Variants in YES1 observed in about 807,000 individuals in gnomAD.
The protein encoded by YES1 is YES proto-oncogene 1, Src family tyrosine kinase, also known as tyrosine-protein kinase Yes.
YES1 carries 39 observed loss-of-function variants against 70.4 expected under a neutral mutation model. That is an observed-to-expected ratio of 0.55 (90% CI 0.43 to 0.72). The LOEUF (loss-of-function observed/expected upper bound fraction) is 0.72. Among genes scored for constraint, YES1 ranks in the 30% least tolerant of loss-of-function variants. The pLI, the probability that YES1 is intolerant of heterozygous loss-of-function variation, is 0.00. For missense variants in YES1, 495 were observed against 644.8 expected, an observed-to-expected ratio of 0.77 and a Z score of 2.52; for synonymous variants, 198 against 218.6, an observed-to-expected ratio of 0.91 and a Z score of 0.83.
intron 1 of YES1, among the ~76,000 whole-genome samples, chr18:793,790 A>T (rs1327184335): frequency 2.6e-5 from 4 of 152,236 alleles, no homozygotes; most frequent in African/African-American, 9.6e-5. Context: ...AATGATAGGG[A>T]TCTATCAAAA....
At chr18:762,493 A>C (rs1412054074) in intron 1 of YES1, among the ~76,000 whole-genome samples, 6 of 152,144 alleles carry the variant, frequency 3.9e-5, no homozygotes, top group Non-Finnish European at 8.8e-5. Context: ...CTAAAATAAA[A>C]GATGGAAAGA....
intron 1 of YES1, among the ~76,000 whole-genome samples, chr18:758,840 T>C (rs940152391): frequency 2.6e-5 from 4 of 152,234 alleles, no homozygotes; most frequent in African/African-American, 9.6e-5. Context: ...GTATTATCTA[T>C]CATATAGGTT....
upstream of YES1, chr18:812,243 G>T (rs1196295890): frequency 6.6e-6 from 1 of 151,866 alleles, no homozygotes; most frequent in African/African-American, 2.4e-5. Context: ...CAGCAACGAC[G>T]GCAGAGCCGG....
chr18:779,403 CAAA>C (rs35003724), intron 1 of YES1, among the ~76,000 whole-genome samples: 15 of 63,024 alleles, frequency 2.4e-4, no homozygotes, highest in Admixed American at 5.5e-4. Context: ...GACCCTGTCT[CAAA>C]AAAAAAAAAA....
At position 739,773 on chromosome 18, in the gene YES1, A is replaced by G. The variant is rs763879192; in HGVS notation, c.1099T>C (p.Tyr367His). 1.2e-5 allele frequency: 20 copies of G among 1,612,774 alleles called. No homozygotes were observed. In the East Asian group the frequency reaches 4.2e-4, roughly 34 times the overall value. Residue 367 changes from tyrosine to histidine, a missense_variant, in exon 9 of 12, where the codon TAT (tyrosine) becomes CAT (histidine). Physicochemically the swap from Tyr to His is moderately conservative, Grantham distance 83. Transcript: ENST00000314574. ...TCAACCAGCTGTGGAAGCTTCAAAT[A>G]CTTTCCATCTCCTTCCTTAAGGAAA... ...LDFLKEGDGK[Y>H]LKLPQLVDMA...
At chr18:791,912 G>C (rs562848420) in intron 1 of YES1, among the ~76,000 whole-genome samples, 161 of 152,048 alleles carry the variant, frequency 1.1e-3, no homozygotes, top group Non-Finnish European at 2.2e-3. Flanking sequence ...AAAATCAGCT[G>C]GGGGTGTTGG....
intron 1 of YES1, chr18:788,098 T>C (rs1365933346): frequency 6.6e-6 from 1 of 152,178 alleles, no homozygotes; most frequent in African/African-American, 2.4e-5. Context: ...ACATGTTTAA[T>C]CTCCCAACTA....
chr18:770,731 C>G (rs184809768), intron 1 of YES1, among the ~76,000 whole-genome samples: 6 of 152,196 alleles, frequency 3.9e-5, no homozygotes, highest in Non-Finnish European at 5.9e-5. Context: ...CAGTCCTGCA[C>G]TGCTGTTGTC....
chr18:743,305 G>C lies in YES1; in HGVS notation c.835C>G (p.Leu279Val). Reference protein sequence around the residue: ...AWEIPRESLRLEVKLGQGCFG... With the variant: ...AWEIPRESLRVEVKLGQGCFG... Reference sequence around the variant, plus strand: ...CATCCTTGTCCTAGTTTAACCTCTAGTCGCAAAGATTCTCGAGGGATTTCC... The same window carrying C: ...CATCCTTGTCCTAGTTTAACCTCTACTCGCAAAGATTCTCGAGGGATTTCC... The change falls in exon 7 of 12, where the codon CTA (leucine) becomes GTA (valine). Residue 279 changes from leucine (L) to valine (V), a missense_variant. Transcript: ENST00000314574. The C allele has an allele frequency of 6.2e-7, 1 of 1,612,230 alleles. No individual in the cohort carries two copies. The highest frequency in any genetic ancestry group is 8.5e-7 in the Non-Finnish European group (1 of 1,179,988).
chr18:805,856 A>T (rs1357842556), intron 1 of YES1, among the ~76,000 whole-genome samples: 1 of 152,224 alleles, frequency 6.6e-6, no homozygotes, highest in Non-Finnish European at 1.5e-5. Context: ...TTTCTACTTA[A>T]TGCTAAGAAA....
In YES1 at chr18:757,299, TGA is replaced by T. The variant is rs1568200013; in HGVS notation, c.-8-466_-8-465del. Among the ~76,000 whole-genome samples the T allele has an allele frequency of 4.0e-5, 6 of 151,490 alleles. No individual in the cohort carries two copies. The East Asian group carries it at 7.8e-4, about 20-fold the overall frequency. On this transcript the variant is annotated intron_variant, in intron 1 of 11. Transcript: ENST00000314574. ...CGGGCGGATCACGAGGTCAGGAGAT[TGA>T]GACCATCCTGGCTAACACGGTGAAA...
intron 1 of YES1, among the ~76,000 whole-genome samples, chr18:782,719 G>C (rs1905735754): frequency 6.6e-6 from 1 of 152,068 alleles, no homozygotes; most frequent in African/African-American, 2.4e-5. Flanking sequence ...ATTTTACATA[G>C]AGTCTCGTTC....
At chr18:764,829 T>C (rs919505731) in intron 1 of YES1, among the ~76,000 whole-genome samples, 14 of 151,744 alleles carry the variant, frequency 9.2e-5, no homozygotes, top group African/African-American at 3.4e-4. Flanking sequence ...GCCTCCTGGG[T>C]TCATGCGATT....
chr18:743,272 C>T lies in YES1; in HGVS notation c.868G>A (p.Glu290Lys), dbSNP rs188857712. Residue 290 changes from glutamate (E) to lysine (K), a missense_variant, in exon 7 of 12, where the codon GAA (glutamate) becomes AAA (lysine). Around this residue, in one of 2 missense-constraint regions of YES1, gnomAD observed 385 missense variants for 540.9 expected, o/e 0.71. Transcript: ENST00000314574. ...TCAGGCTTCTTACCCATCCACACTT[C>T]GCCGAAACATCCTTGTCCTAGTTTA... is the stretch of plus-strand genomic sequence containing the variant. Reference protein sequence around the residue: ...EVKLGQGCFGEVWMGTWNGTT... With the variant: ...EVKLGQGCFGKVWMGTWNGTT... 1.5e-5 allele frequency: 24 copies of T among 1,611,450 alleles called. No individual in the cohort carries two copies. Among genetic ancestry groups the T allele is most frequent in the Non-Finnish European group, 1.9e-5 (22 of 1,179,402 alleles).
intron 1 of YES1, among the ~76,000 whole-genome samples, chr18:792,987 T>G (rs2145820205): frequency 6.6e-6 from 1 of 152,008 alleles, no homozygotes; most frequent in Non-Finnish European, 1.5e-5. Context: ...GCATCACAGC[T>G]TAATGGCAAA....
intron 1 of YES1, among the ~76,000 whole-genome samples, chr18:802,483 G>A (rs1376862970): frequency 1.3e-5 from 2 of 150,818 alleles, no homozygotes; most frequent in African/African-American, 4.9e-5. Context: ...GGCAGAGGTT[G>A]CAGTGAGCGG....
At chr18:784,204 T>C (rs1404659265) in intron 1 of YES1, among the ~76,000 whole-genome samples, 1 of 152,228 alleles carries the variant, frequency 6.6e-6, no homozygotes, top group African/African-American at 2.4e-5. Context: ...ATTATTGTTT[T>C]CATTACAAGT....
intron 1 of YES1, among the ~76,000 whole-genome samples, chr18:777,540 C>A (rs977913449): frequency 3.3e-5 from 5 of 152,188 alleles, no homozygotes; most frequent in Non-Finnish European, 5.9e-5. Context: ...GGTGCATTGG[C>A]TCACGCCTGT....
chr18:732,237 G>C (rs1176841982), intron 11 of YES1, among the ~76,000 whole-genome samples: 1 of 151,680 alleles, frequency 6.6e-6, no homozygotes, highest in Admixed American at 6.6e-5. Flanking sequence ...TCAGGAGTTC[G>C]AGACCAGCTT....
Sources: gnomAD v4.1 joint callset for allele counts (sites outside exome capture counted in the v4.1 genomes callset) on GRCh38, gnomAD v4.1.1 for gene constraint, gnomAD v4.1.1 regional missense constraint, MANE v1.5 for transcripts, NCBI Gene and HGNC (gene_info 2026-07-23, HGNC 2026-07-21) for gene names.